SDK2: variants seen among roughly 807,000 people sequenced by gnomAD.
The protein encoded by SDK2 is sidekick cell adhesion molecule 2, also known as protein sidekick-2.
SDK2 carries 105 observed loss-of-function variants against 253.9 expected under a neutral mutation model. That is an observed-to-expected ratio of 0.41 (90% CI 0.35 to 0.49). SDK2 has a LOEUF of 0.49. Ranked by LOEUF, SDK2 falls within the 20% of genes least tolerant of loss-of-function variation. The pLI, the probability that SDK2 is intolerant of heterozygous loss-of-function variation, is 0.06. For synonymous variants in SDK2, 1,249 were observed against 1,234.9 expected (o/e 1.01, Z -0.24); for missense variants, 2,608 against 3,003.0 (o/e 0.87, Z 3.07).
chr17:73,531,634 A>T (rs765886534), intron 1 of SDK2, among the ~76,000 whole-genome samples: 118 of 152,196 alleles, frequency 7.8e-4, no homozygotes, highest in Non-Finnish European at 1.3e-3. Context: ...GCCAGTCATT[A>T]GCCCAATCTA....
intron 1 of SDK2, among the ~76,000 whole-genome samples, chr17:73,536,298 A>G (rs1425953045): frequency 1.3e-5 from 2 of 152,214 alleles, no homozygotes; most frequent in African/African-American, 4.8e-5. Flanking sequence ...ACTGGGATCC[A>G]GACAGCTGCA....
chr17:73,338,176 G>T lies in SDK2; in HGVS notation c.*411C>A. ...CAGTGGGTCCAGGGGTCCTGGAGGG[G>T]CTGGAAGGGGGCAGCTGGCTGGACA... On this transcript the variant is annotated 3_prime_UTR_variant, in exon 45 of 45. Coordinates refer to ENST00000392650, the MANE Select transcript of SDK2 (RefSeq NM_001144952.2). This position sits in a 1 kb window ranked among gnomAD's most constrained non-coding sequence, Gnocchi z 5.0. 1 of 342,156 alleles carries T rather than the reference G, an allele frequency of 2.9e-6. No homozygotes were observed. Among genetic ancestry groups the T allele is most frequent in the South Asian group, 2.3e-5 (1 of 43,532 alleles). The allele number at this position is 342,156 out of a possible 1,614,324, so 21.2% of individuals were successfully genotyped here.
At position 73,390,350 on chromosome 17, in the gene SDK2, C is replaced by T. The variant is rs759051308; in HGVS notation, c.4129G>A (p.Ala1377Thr). Reference protein sequence around the residue: ...PESVYLFRITAQTRKGWGEAA... With the variant: ...PESVYLFRITTQTRKGWGEAA... ...TCTCCCCAGCCCTTGCGGGTCTGGGCCGTGATGCGGAACAGGTAGACAGAC... is the reference window on the plus strand; with the variant it reads ...TCTCCCCAGCCCTTGCGGGTCTGGGTCGTGATGCGGAACAGGTAGACAGAC... The change falls in exon 29 of 45, where the codon GCC (alanine) becomes ACC (threonine). Residue 1377 changes from alanine (A) to threonine (T), a missense_variant. By Grantham distance (58) the Ala-to-Thr change is moderately conservative. Around this residue, in one of 2 missense-constraint regions of SDK2, gnomAD observed 1,103 missense variants for 1,143.9 expected, o/e 0.96. Coordinates refer to ENST00000392650, the MANE Select transcript of SDK2 (RefSeq NM_001144952.2). 4 of 1,610,728 alleles carry T rather than the reference C, an allele frequency of 2.5e-6. No homozygotes were observed. The highest frequency in any genetic ancestry group is 1.7e-5 in the Admixed American group (1 of 59,940).
intron 18 of SDK2, among the ~76,000 whole-genome samples, chr17:73,412,144 GTATA>G (rs1568389623): frequency 1.0e-4 from 1 of 9,874 alleles, no homozygotes; most frequent in Non-Finnish European, 2.8e-4. Context: ...ATGTGTATAT[GTATA>G]TATACGTATA....
intron 1 of SDK2, among the ~76,000 whole-genome samples, chr17:73,627,276 G>A (rs2046214035): frequency 6.6e-6 from 1 of 152,136 alleles, no homozygotes; most frequent in South Asian, 2.1e-4. Context: ...GAGTCAGAAT[G>A]TATTTTGTGG....
chr17:73,484,857 T>C (rs2063760266), intron 2 of SDK2, among the ~76,000 whole-genome samples: 1 of 152,222 alleles, frequency 6.6e-6, no homozygotes, highest in Non-Finnish European at 1.5e-5. Flanking sequence ...TCTCACTATG[T>C]TGTCCAGGCT....
rs780178320 is a variant in SDK2, at chr17:73,399,121, G to A, written c.3093+47C>T. 341 of 1,600,256 alleles carry A rather than the reference G, an allele frequency of 2.1e-4. 1 individual carries two copies. The highest frequency in any genetic ancestry group is 7.8e-4 in the Middle Eastern group (4 of 5,098). On this transcript the variant is annotated intron_variant, in intron 22 of 44. Coordinates refer to ENST00000392650, the MANE Select transcript of SDK2 (RefSeq NM_001144952.2). ...CATAAGATTTTGCACTCAAGGGCAC[G>A]GGGTGCCCTGGCGGGGGCTGCTGGT...
At chr17:73,346,971 A>C (rs1484324301) in intron 44 of SDK2, among the ~76,000 whole-genome samples, 1 of 152,196 alleles carries the variant, frequency 6.6e-6, no homozygotes, top group Non-Finnish European at 1.5e-5. Context: ...TGAAGGTCGC[A>C]ATGGTGGGGG....
At chr17:73,387,381 G>A (rs77783379) in intron 30 of SDK2, among the ~76,000 whole-genome samples, 3,000 of 152,202 alleles carry the variant, frequency 0.02, 95 homozygotes, top group African/African-American at 0.068. Flanking sequence ...TTTATGGGGG[G>A]TGGGAGAGGT....
At chr17:73,637,524 A>C (rs778460483) in intron 1 of SDK2, among the ~76,000 whole-genome samples, 6 of 152,188 alleles carry the variant, frequency 3.9e-5, no homozygotes, top group Non-Finnish European at 8.8e-5. Context: ...GATTACAGGC[A>C]TGCGCCACCA....
chr17:73,643,876 T>C lies in SDK2; in HGVS notation c.64+149A>G, dbSNP rs1465526880. The C allele has an allele frequency of 6.2e-6, 4 of 650,070 alleles. No individual in the cohort carries two copies. In the Admixed American group the frequency reaches 1.1e-4, roughly 18 times the overall value. The allele number at this position is 650,070 out of a possible 1,614,324, so 40.3% of individuals were successfully genotyped here. A position where few individuals can be genotyped will look rare whatever the true frequency, so the allele number is the denominator to read the frequency against. ...CAAAAGAGCCCCAAAACTTGGGAGA[T>C]GGGGTGTCTTGAAACTCCCTGGAGA... On this transcript the variant is annotated intron_variant, in intron 1 of 44. Transcript: ENST00000392650. The surrounding 1 kb of genome is among the most constrained non-coding windows in gnomAD (Gnocchi z 6.9).
At chr17:73,458,610 TG>T (rs2063544533) in intron 3 of SDK2, among the ~76,000 whole-genome samples, 1 of 152,268 alleles carries the variant, frequency 6.6e-6, no homozygotes, top group South Asian at 2.1e-4. Flanking sequence ...GGCTCTGCCC[TG>T]AGCTCTGAGA....
chr17:73,574,472 A>G (rs759199124), intron 1 of SDK2, among the ~76,000 whole-genome samples: 1 of 152,032 alleles, frequency 6.6e-6, no homozygotes, highest in African/African-American at 2.4e-5. Context: ...CGCCTCGCTG[A>G]TCAGCCTTAT....
chr17:73,555,037 C>A (rs957278499), intron 1 of SDK2, among the ~76,000 whole-genome samples: 9 of 152,198 alleles, frequency 5.9e-5, no homozygotes, highest in African/African-American at 2.2e-4. Flanking sequence ...GATGGGGGAG[C>A]TTTGTTCTGG....
rs908740137 is a variant in SDK2 at position 73,534,773 on chromosome 17, G to T, written c.65-27176C>A. Reference sequence around the variant, plus strand: ...CTGACCTTTCTTCCTCTCATCTAGGGGAAAGCGGCTTCTATTACCTAAACT... The same window carrying T: ...CTGACCTTTCTTCCTCTCATCTAGGTGAAAGCGGCTTCTATTACCTAAACT... On this transcript the variant is annotated intron_variant, in intron 1 of 44. Transcript: ENST00000392650. This position sits in a 1 kb window ranked among gnomAD's most constrained non-coding sequence, Gnocchi z 4.9. 1.3e-5 allele frequency among the ~76,000 whole-genome samples: 2 copies of T among 152,146 alleles called. No individual in the cohort carries two copies. Among genetic ancestry groups the T allele is most frequent in the African/African-American group, 4.8e-5 (2 of 41,442 alleles).
In SDK2 at chr17:73,460,390, A is replaced by G. The variant is rs114967633; in HGVS notation, c.332-4337T>C. On this transcript the variant is annotated intron_variant, in intron 3 of 44. Transcript: ENST00000392650. ...TGAGGCCTCAGTCATCCCAGGATAG[A>G]GTCAAGCTGCCCTTGCTATTCTCTG... 3.4e-3 allele frequency among the ~76,000 whole-genome samples: 522 copies of G among 152,346 alleles called. 5 individuals carry two copies. The highest frequency in any genetic ancestry group is 0.012 in the African/African-American group (480 of 41,582).
intron 12 of SDK2, among the ~76,000 whole-genome samples, chr17:73,427,642 CA>C (rs9302965): frequency 0.28 from 29,902 of 105,410 alleles, 3,533 homozygotes; most frequent in Admixed American, 0.41. Context: ...CATCCACATG[CA>C]AAAAAAAAAA....
intron 1 of SDK2, among the ~76,000 whole-genome samples, chr17:73,634,619 AATCAAT>A (rs2046308021): frequency 6.6e-6 from 1 of 152,212 alleles, no homozygotes; most frequent in South Asian, 2.1e-4. Flanking sequence ...GTCTTAACCA[AATCAAT>A]AAATCCTTAA....
chr17:73,347,646 C>G (rs560390500), intron 44 of SDK2, among the ~76,000 whole-genome samples: 2 of 152,318 alleles, frequency 1.3e-5, no homozygotes, highest in East Asian at 1.9e-4. Flanking sequence ...TCTCCCAGGC[C>G]TGGGCAGAAA....
Sources: allele counts gnomAD v4.1 joint callset (sites outside exome capture counted in the v4.1 genomes callset), GRCh38; gene constraint gnomAD v4.1.1; regional missense constraint gnomAD v4.1.1; non-coding constraint Gnocchi (gnomAD v3.1); transcripts MANE v1.5; gene names NCBI Gene and HGNC (gene_info 2026-07-23, HGNC 2026-07-21).